Variants in PIK3R1 observed in about 807,000 individuals in gnomAD.
The protein encoded by PIK3R1 is phosphoinositide-3-kinase regulatory subunit 1.
Under a neutral mutation model 98.0 loss-of-function variants are expected in PIK3R1, and 29 were observed. The ratio of observed to expected loss-of-function variants is 0.30; its 90% confidence interval spans 0.22 to 0.40. PIK3R1 has a LOEUF of 0.40. PIK3R1 is among the 10% of genes least tolerant of loss of function. The pLI is 1.00. For missense variants in PIK3R1, 596 were observed against 872.7 expected, an observed-to-expected ratio of 0.68 and a Z score of 3.99; for synonymous variants, 282 against 311.8, an observed-to-expected ratio of 0.90 and a Z score of 1.01.
intron 11 of PIK3R1, among the ~76,000 whole-genome samples, 169 bp downstream of exon 11, chr5:68,294,003 AC>A (rs1747548101): frequency 6.6e-6 from 1 of 152,230 alleles, no homozygotes; most frequent in African/African-American, 2.4e-5. Flanking sequence ...AAAGCTTTAA[AC>A]CAAAAATTTT....
chr5:68,288,539 G>A (rs1016071024), intron 7 of PIK3R1: 5 of 1,457,724 alleles, frequency 3.4e-6, no homozygotes, highest in Non-Finnish European at 4.5e-6. Flanking sequence ...AAGCGGAGCT[G>A]GGCCACTGTG....
In PIK3R1 at chr5:68,231,724, C is replaced by T. The variant is rs144877487; in HGVS notation, c.334+4715C>T. ...GTAATTTGCTTTGCTTCACAAATTC[C>T]TGCCTTTACGAATTCTGTTTTCTTT... On this transcript the variant is annotated intron_variant, in intron 2 of 15. Coordinates refer to ENST00000521381, the MANE Select transcript of PIK3R1 (RefSeq NM_181523.3). Among the ~76,000 whole-genome samples, 588 of 152,318 alleles carry T rather than the reference C, an allele frequency of 3.9e-3. 4 individuals carry two copies. Among genetic ancestry groups the T allele is most frequent in the African/African-American group, 8.1e-3 (335 of 41,574 alleles).
chr5:68,250,252 T>G (rs1239265167), intron 2 of PIK3R1, among the ~76,000 whole-genome samples: 5 of 152,080 alleles, frequency 3.3e-5, no homozygotes, highest in African/African-American at 4.8e-5. Flanking sequence ...GAGCAGAGAG[T>G]GGGTGCCTGC....
At chr5:68,217,071 T>C (rs562187021) in intron 1 of PIK3R1, among the ~76,000 whole-genome samples, 20 of 152,274 alleles carry the variant, frequency 1.3e-4, no homozygotes, top group African/African-American at 4.8e-4. Flanking sequence ...ATTTGGGGGC[T>C]TCATGATTTT....
chr5:68,226,532 C>A lies in PIK3R1; in HGVS notation c.-144C>A, dbSNP rs757308695. On this transcript the variant is annotated 5_prime_UTR_variant, in exon 2 of 16. Transcript: ENST00000521381. ...ATGGCCAGTCACCTCTCCTCTTAAA[C>A]CTTTGGAGAGTGGTCCTTTGTCCTC... 2.7e-5 allele frequency: 18 copies of A among 661,878 alleles called. No homozygotes were observed. The highest frequency in any genetic ancestry group is 4.4e-5 in the Non-Finnish European group (17 of 389,870). 41.0% of individuals were successfully genotyped at this position (661,878 alleles called of 1,614,324 possible).
chr5:68,235,521 A>G (rs989800586), intron 2 of PIK3R1, among the ~76,000 whole-genome samples: 25 of 152,196 alleles, frequency 1.6e-4, no homozygotes, highest in African/African-American at 5.8e-4. Flanking sequence ...TTTCCCAACT[A>G]TAGAAACATA....
At chr5:68,220,809 A>G (rs1238146251) in intron 1 of PIK3R1, among the ~76,000 whole-genome samples, 2 of 152,120 alleles carry the variant, frequency 1.3e-5, no homozygotes, top group African/African-American at 4.8e-5. Flanking sequence ...TCAGCCCATT[A>G]TTTTCATTTT....
intron 7 of PIK3R1, 22 bp from the exon 8 acceptor site, chr5:68,292,237 A>G: frequency 6.5e-7 from 1 of 1,536,388 alleles, no homozygotes; most frequent in Non-Finnish European, 8.9e-7. Flanking sequence ...ATTGCGAACA[A>G]CTTTTTCTTT....
intron 2 of PIK3R1, among the ~76,000 whole-genome samples, chr5:68,233,633 A>G (rs1348336393): frequency 6.6e-6 from 1 of 152,260 alleles, no homozygotes; most frequent in East Asian, 1.9e-4. Context: ...TCCATGCAGT[A>G]TACAAACAGT....
intron 2 of PIK3R1, among the ~76,000 whole-genome samples, chr5:68,229,830 A>G (rs1744405736): frequency 1.3e-5 from 2 of 152,238 alleles, no homozygotes; most frequent in Non-Finnish European, 2.9e-5. Flanking sequence ...TCAAAAACCC[A>G]TTAGGAAATC....
chr5:68,263,973 A>G (rs1746014782), intron 2 of PIK3R1, among the ~76,000 whole-genome samples: 1 of 152,146 alleles, frequency 6.6e-6, no homozygotes, highest in African/African-American at 2.4e-5. Flanking sequence ...CAAAATATAT[A>G]TTTTTAAAAA....
intron 14 of PIK3R1, 71 bp from the exon 15 acceptor site, chr5:68,296,100 A>G: frequency 2.0e-6 from 3 of 1,475,474 alleles, no homozygotes; most frequent in Non-Finnish European, 2.8e-6. Flanking sequence ...GGGTATGCCT[A>G]GGGAAGACAG....
chr5:68,254,583 A>C (rs1745439348), intron 2 of PIK3R1, among the ~76,000 whole-genome samples: 2 of 152,248 alleles, frequency 1.3e-5, no homozygotes, highest in Admixed American at 1.3e-4. Flanking sequence ...TCATGTCAAG[A>C]ATTCTAAAGA....
chr5:68,241,532 A>G (rs1744872934), intron 2 of PIK3R1, among the ~76,000 whole-genome samples: 1 of 152,188 alleles, frequency 6.6e-6, no homozygotes, highest in South Asian at 2.1e-4. Flanking sequence ...TACTAACACA[A>G]TTGCAGGCAA....
intron 3 of PIK3R1, 38 bp downstream of exon 3, chr5:68,273,520 T>C: frequency 6.7e-7 from 1 of 1,482,624 alleles, no homozygotes; most frequent in Non-Finnish European, 9.4e-7. Flanking sequence ...TCCTTTGTTC[T>C]ACCCTTATTT....
chr5:68,276,942 G>A (rs960013147), intron 4 of PIK3R1, among the ~76,000 whole-genome samples: 2 of 152,094 alleles, frequency 1.3e-5, no homozygotes, highest in African/African-American at 2.4e-5. Context: ...GACGTACCTC[G>A]GTCTAGTAGG....
chr5:68,280,547 A>G lies in PIK3R1; in HGVS notation c.654A>G (p.Glu218=). The G allele has an allele frequency of 6.2e-7, 1 of 1,611,040 alleles. No individual in the cohort carries two copies. Among genetic ancestry groups the G allele is most frequent in the South Asian group, 1.1e-5 (1 of 90,992 alleles). ...SLAPEVQSSE[E]YIQLLKKLIR... ...TTGTAGAAGTACAAAGCTCCGAAGA[A>G]TATATTCAGCTATTGAAGAAGCTTA... The change falls in exon 6 of 16, where the codon GAA becomes GAG. Residue 218 remains glutamate (E), a synonymous_variant. Coordinates refer to ENST00000521381, the MANE Select transcript of PIK3R1 (RefSeq NM_181523.3).
chr5:68,293,861 AAAAAT>A lies in PIK3R1; in HGVS notation c.1425+30_1425+34del, dbSNP rs566594614. On this transcript the variant is annotated intron_variant, in intron 11 of 15. Transcript: ENST00000521381. Reference sequence around the variant, plus strand: ...TGAGTTTTCTATGAAAATCAGATTAAAAAATAAGAGTTCTAAACTTTTAAAGACTA... The same window carrying A: ...TGAGTTTTCTATGAAAATCAGATTAAAAGAGTTCTAAACTTTTAAAGACTA... The A allele has an allele frequency of 3.8e-4, 578 of 1,522,844 alleles. 1 individual carries two copies. The African/African-American group carries it at 7.7e-3, about 20-fold the overall frequency. The allele number at this position is 1,522,844 out of a possible 1,614,324, so 94.3% of individuals were successfully genotyped here.
intron 2 of PIK3R1, among the ~76,000 whole-genome samples, chr5:68,246,136 A>G (rs1428114073): frequency 6.6e-6 from 1 of 152,090 alleles, no homozygotes; most frequent in Non-Finnish European, 1.5e-5. Flanking sequence ...TTCTTTTTAC[A>G]TTATATATCT....
Sources: allele counts gnomAD v4.1 joint callset (sites outside exome capture counted in the v4.1 genomes callset), GRCh38; gene constraint gnomAD v4.1.1; transcripts MANE v1.5; gene names NCBI Gene and HGNC (gene_info 2026-07-23, HGNC 2026-07-21).